The following SLC25A31 variants were observed in gnomAD, a reference collection of about 807,000 sequenced individuals.
SLC25A31 encodes ADP/ATP translocase 4.
In SLC25A31, 40 loss-of-function variants were observed where a neutral mutation model predicts 36.2. The ratio of observed to expected loss-of-function variants is 1.10; its 90% CI spans 0.86 to 1.44. The LOEUF (loss-of-function observed/expected upper bound fraction) is 1.44. Among genes scored for constraint, SLC25A31 ranks in the 40% most tolerant of loss-of-function variants. SLC25A31 has a pLI of 0.00. For synonymous variants in SLC25A31, 143 were observed against 149.7 expected (o/e 0.96, Z 0.32); for missense variants, 350 against 397.1 (o/e 0.88, Z 1.01).
intron 2 of SLC25A31, among the ~76,000 whole-genome samples, chr4:127,748,586 A>G (rs1028520779): frequency 6.6e-6 from 1 of 152,138 alleles, no homozygotes; most frequent in Non-Finnish European, 1.5e-5. Context: ...CTCACAGACC[A>G]AGGTCCTTGA....
chr4:127,735,873 TTTATTTATTTA>T (rs1731616927), intron 1 of SLC25A31, among the ~76,000 whole-genome samples: 1 of 73,754 alleles, frequency 1.4e-5, no homozygotes, highest in African/African-American at 4.8e-5. Context: ...TTTTATTTTA[TTTATTTATTTA>T]TTTATTTATT....
intron 2 of SLC25A31, among the ~76,000 whole-genome samples, chr4:127,752,554 A>T (rs1731955381): frequency 6.6e-6 from 1 of 151,372 alleles, no homozygotes; most frequent in Admixed American, 6.6e-5. Flanking sequence ...GTACCCTAGA[A>T]CTTAAAGTAT....
intron 1 of SLC25A31, among the ~76,000 whole-genome samples, chr4:127,737,876 T>C (rs953987074): frequency 9.9e-5 from 15 of 152,082 alleles, no homozygotes; most frequent in Non-Finnish European, 1.6e-4. Flanking sequence ...TTATGTATTA[T>C]ACTCATTTTT....
At chr4:127,742,518 A>G (rs1731751462) in intron 1 of SLC25A31, among the ~76,000 whole-genome samples, 1 of 152,228 alleles carries the variant, frequency 6.6e-6, no homozygotes, top group South Asian at 2.1e-4. Context: ...AAAGAGATGG[A>G]TTTGAGATTG....
At position 127,736,079 on chromosome 4, in the gene SLC25A31, C is replaced by T. The variant is rs564711095; in HGVS notation, c.232+5302C>T. Among the ~76,000 whole-genome samples, 15 of 150,974 alleles carry T rather than the reference C, an allele frequency of 9.9e-5. No homozygotes were observed. In the South Asian group the frequency reaches 2.5e-3, roughly 25 times the overall value. The stretch of plus-strand genomic sequence containing the variant: ...TAATTTTTTGTATTTTTAGTAGAGA[C>T]GGGGTTTCACCTTGTTAGCCAGGAT... On this transcript the variant is annotated intron_variant, in intron 1 of 5. Transcript: ENST00000281154.
At chr4:127,745,959 C>G (rs1242485597) in intron 2 of SLC25A31, among the ~76,000 whole-genome samples, 1 of 152,138 alleles carries the variant, frequency 6.6e-6, no homozygotes, top group African/African-American at 2.4e-5. Context: ...CATCCTCCCA[C>G]CACCCACCCT....
chr4:127,744,650 A>T, intron 1 of SLC25A31, 22 bp from the exon 2 acceptor site: 1 of 1,581,322 alleles, frequency 6.3e-7, no homozygotes, highest in Non-Finnish European at 8.6e-7. Context: ...AGGTTTATGT[A>T]TTTATATGTT....
rs867936409 is a variant in SLC25A31 at position 127,767,074 on chromosome 4, G to A, written c.487G>A (p.Glu163Lys). Reference protein sequence around the residue: ...LGVDIGKGPEERQFKGLGDCI... With the variant: ...LGVDIGKGPEKRQFKGLGDCI... ...AAATGGCTTTATTTTAGGTCCTGAGGAGCGACAATTCAAGGGTTTAGGTGA... is the reference window on the plus strand; with the variant it reads ...AAATGGCTTTATTTTAGGTCCTGAGAAGCGACAATTCAAGGGTTTAGGTGA... The change falls in exon 4 of 6, where the codon GAG becomes AAG. Residue 163 changes from glutamate (E) to lysine (K), a missense_variant. By Grantham distance (56) the Glu-to-Lys change is moderately conservative (BLOSUM62 1). Coordinates refer to ENST00000281154, the MANE Select transcript of SLC25A31 (RefSeq NM_031291.4). 6.2e-7 allele frequency: 1 copy of A among 1,609,948 alleles called. No individual in the cohort carries two copies. The highest frequency in any genetic ancestry group is 1.1e-5 in the South Asian group (1 of 90,044).
At chr4:127,745,375 T>A (rs1223399865) in intron 2 of SLC25A31, among the ~76,000 whole-genome samples, 2 of 152,108 alleles carry the variant, frequency 1.3e-5, no homozygotes, top group Non-Finnish European at 2.9e-5. Context: ...CCTACTCATA[T>A]AAACTACATG....
intron 1 of SLC25A31, among the ~76,000 whole-genome samples, chr4:127,731,592 C>T (rs756171969): frequency 7.2e-5 from 11 of 152,082 alleles, no homozygotes; most frequent in Non-Finnish European, 1.3e-4. Flanking sequence ...GCCTGCAGTC[C>T]CAGCTACTTG....
At chr4:127,755,533 T>C (rs888385401) in intron 2 of SLC25A31, among the ~76,000 whole-genome samples, 2 of 152,078 alleles carry the variant, frequency 1.3e-5, no homozygotes, top group Non-Finnish European at 2.9e-5. Context: ...AACAGGTACA[T>C]GAAAAAATGC....
At chr4:127,767,036 G>A (rs751792940) in intron 3 of SLC25A31, 30 bp from the exon 4 acceptor site, 4 of 1,586,880 alleles carry the variant, frequency 2.5e-6, no homozygotes, top group Non-Finnish European at 2.6e-6. Flanking sequence ...ATATAATGTT[G>A]CTAATAGATT....
intron 2 of SLC25A31, 47 bp from the exon 3 acceptor site, chr4:127,764,196 G>T (rs921707614): frequency 4.0e-6 from 6 of 1,495,312 alleles, no homozygotes; most frequent in Non-Finnish European, 5.6e-6. Context: ...ATTTTAAACA[G>T]TTAGATTCTG....
chr4:127,764,176 T>C, intron 2 of SLC25A31, 67 bp from the exon 3 acceptor site: 1 of 1,336,890 alleles, frequency 7.5e-7, no homozygotes, highest in Non-Finnish European at 1.1e-6. Context: ...AAAATAAGAA[T>C]TTACCAGGTA....
chr4:127,746,755 G>C (rs1003613570), intron 2 of SLC25A31, among the ~76,000 whole-genome samples: 1 of 152,112 alleles, frequency 6.6e-6, no homozygotes, highest in African/African-American at 2.4e-5. Flanking sequence ...TTCTTTTGCT[G>C]TGCAGAAGCT....
intron 3 of SLC25A31, among the ~76,000 whole-genome samples, chr4:127,766,553 G>A (rs945263145): frequency 5.9e-5 from 9 of 151,942 alleles, no homozygotes; most frequent in Admixed American, 3.3e-4. Context: ...GCTGGAGTAC[G>A]GTGGCACAAT....
intron 2 of SLC25A31, among the ~76,000 whole-genome samples, chr4:127,745,512 A>G (rs528565658): frequency 3.3e-5 from 5 of 151,990 alleles, no homozygotes; most frequent in South Asian, 2.1e-4. Flanking sequence ...TTTTCTCCCT[A>G]TTACTCCTCA....
chr4:127,733,125 C>T (rs555370002), intron 1 of SLC25A31, among the ~76,000 whole-genome samples: 2 of 152,264 alleles, frequency 1.3e-5, no homozygotes, highest in African/African-American at 4.8e-5. Flanking sequence ...TTAGTATACA[C>T]TGATTCCAGT....
chr4:127,736,110 C>T (rs965114262), intron 1 of SLC25A31, among the ~76,000 whole-genome samples: 22 of 151,560 alleles, frequency 1.5e-4, no homozygotes, highest in Non-Finnish European at 2.8e-4. Context: ...AGGATGGTCT[C>T]GATCTCCTGA....
Sources: allele counts gnomAD v4.1 joint callset (sites outside exome capture counted in the v4.1 genomes callset), GRCh38; gene constraint gnomAD v4.1.1; transcripts MANE v1.5; gene names NCBI Gene and HGNC (gene_info 2026-07-23, HGNC 2026-07-21).